The following TMEM132B variants were observed in gnomAD, a reference collection of about 807,000 sequenced individuals.
TMEM132B encodes the protein transmembrane protein 132B.
A neutral mutation model predicts 90.8 loss-of-function variants in TMEM132B; 18 were observed. That is an observed-to-expected ratio of 0.20 (90% CI 0.14 to 0.29). The LOEUF (loss-of-function observed/expected upper bound fraction) is 0.29. Ranked by LOEUF, TMEM132B falls within the 10% of genes least tolerant of loss-of-function variation. The pLI is 1.00. For missense variants in TMEM132B, 1,096 were observed against 1,326.8 expected, an observed-to-expected ratio of 0.83 and a Z score of 2.70; for synonymous variants, 504 against 523.3, an observed-to-expected ratio of 0.96 and a Z score of 0.50.
rs1174276948 is a variant in TMEM132B at position 125,408,613 on chromosome 12, C to T, written c.960-6918C>T. ...TGGTATTTTGTTAGACTGTCCCGAA[C>T]AGATTAAGGCAATGAGCATTTTGGG... On this transcript the variant is annotated intron_variant, in intron 2 of 8. Transcript: ENST00000682704. The surrounding 1 kb of genome is among the most constrained non-coding windows in gnomAD (Gnocchi z 5.9). Among the ~76,000 whole-genome samples the T allele has an allele frequency of 6.6e-6, 1 of 152,176 alleles. No individual in the cohort carries two copies. The highest frequency in any genetic ancestry group is 1.5e-5 in the Non-Finnish European group (1 of 68,036).
intron 4 of TMEM132B, among the ~76,000 whole-genome samples, chr12:125,562,341 G>T (rs1884554329): frequency 6.6e-6 from 1 of 152,198 alleles, no homozygotes; most frequent in Non-Finnish European, 1.5e-5. Flanking sequence ...CCACATAAGA[G>T]AATATGGGGA....
At chr12:125,274,440 C>T (rs1031461418) in intron 1 of TMEM132B, among the ~76,000 whole-genome samples, 1 of 152,218 alleles carries the variant, frequency 6.6e-6, no homozygotes, top group African/African-American at 2.4e-5. Flanking sequence ...TTCAACTTTG[C>T]CAGATGGTGA....
intron 3 of TMEM132B, among the ~76,000 whole-genome samples, chr12:125,487,436 C>T (rs1275130547): frequency 2.0e-5 from 3 of 152,168 alleles, no homozygotes; most frequent in African/African-American, 4.8e-5. Flanking sequence ...TGTAATGAGG[C>T]TTGGATGGAG....
chr12:125,199,990 G>C (rs1041762878), intron 1 of TMEM132B, among the ~76,000 whole-genome samples: 1 of 152,172 alleles, frequency 6.6e-6, no homozygotes, highest in African/African-American at 2.4e-5. Context: ...CCGGGTTTCT[G>C]TTACCATGGA....
intron 1 of TMEM132B, among the ~76,000 whole-genome samples, chr12:125,269,912 T>C (rs1225076097): frequency 6.6e-6 from 1 of 151,970 alleles, no homozygotes; most frequent in Non-Finnish European, 1.5e-5. Flanking sequence ...GTCCCAGATG[T>C]GCCTCCCACA....
intron 1 of TMEM132B, among the ~76,000 whole-genome samples, chr12:125,262,827 C>G (rs1157364268): frequency 6.6e-6 from 1 of 152,188 alleles, no homozygotes; most frequent in Non-Finnish European, 1.5e-5. Context: ...CTGTTGCTGT[C>G]TGATCCCTGC....
Position 125,571,071 on chromosome 12 carries a change from A to G in TMEM132B, c.1294-12780A>G, listed in dbSNP as rs192949600. ...CAAATTAAAAAATCTGTATAAAGCT[A>G]TCTTTTAGGCTGAAAGCTTTCTTTT... On this transcript the variant is annotated intron_variant, in intron 4 of 8. Transcript: ENST00000682704. Among the ~76,000 whole-genome samples, 31 of 152,334 alleles carry G rather than the reference A, an allele frequency of 2.0e-4. No homozygotes were observed. In the East Asian group the frequency reaches 5.8e-3, roughly 28 times the overall value.
chr12:125,542,193 T>C (rs1257365125), intron 4 of TMEM132B, among the ~76,000 whole-genome samples: 1 of 152,206 alleles, frequency 6.6e-6, no homozygotes, highest in African/African-American at 2.4e-5. Flanking sequence ...TGCGTACCTC[T>C]AACCCAGAGA....
chr12:125,281,833 T>TC (rs1875187398), intron 1 of TMEM132B, among the ~76,000 whole-genome samples: 1 of 151,414 alleles, frequency 6.6e-6, no homozygotes, highest in Non-Finnish European at 1.5e-5. Context: ...TCGAGACCAT[T>TC]CTGGCTAACA....
chr12:125,541,589 A>G (rs1395145644), intron 4 of TMEM132B, among the ~76,000 whole-genome samples: 2 of 152,062 alleles, frequency 1.3e-5, no homozygotes, highest in African/African-American at 4.8e-5. Context: ...TTAATATGCC[A>G]AAGTGCTTTA....
At chr12:125,645,344 C>T (rs907141552) in intron 6 of TMEM132B, among the ~76,000 whole-genome samples, 2 of 152,046 alleles carry the variant, frequency 1.3e-5, no homozygotes, top group African/African-American at 4.8e-5. Context: ...ATCAATGGAC[C>T]TTAAAATACA....
In TMEM132B at chr12:125,570,603, A is replaced by G. The variant is rs868358326; in HGVS notation, c.1294-13248A>G. Among the ~76,000 whole-genome samples the G allele has an allele frequency of 3.3e-5, 5 of 152,324 alleles. No homozygotes were observed. The South Asian group carries it at 8.3e-4, about 25-fold the overall frequency. On this transcript the variant is annotated intron_variant, in intron 4 of 8. Transcript: ENST00000682704. ...GACTCAGAAAGAGCTGAATTTTGAAATCACTTTCTGCCTCGTAGATAATAA... is the reference window on the plus strand; with the variant it reads ...GACTCAGAAAGAGCTGAATTTTGAAGTCACTTTCTGCCTCGTAGATAATAA...
At chr12:125,279,294 AT>A (rs1424410591) in intron 1 of TMEM132B, among the ~76,000 whole-genome samples, 2 of 152,216 alleles carry the variant, frequency 1.3e-5, no homozygotes, top group Admixed American at 1.3e-4. Context: ...TGAGACTGTT[AT>A]CCCTAGAAAG....
intron 3 of TMEM132B, among the ~76,000 whole-genome samples, chr12:125,465,959 T>C (rs1881552955): frequency 6.6e-6 from 1 of 152,186 alleles, no homozygotes; most frequent in Admixed American, 6.5e-5. Context: ...TAGAAGCAGC[T>C]GCTGGCACCA....
intron 1 of TMEM132B, among the ~76,000 whole-genome samples, chr12:125,312,832 G>GT (rs1876154729): frequency 6.6e-6 from 1 of 152,194 alleles, no homozygotes; most frequent in African/African-American, 2.4e-5. Flanking sequence ...CTATTGAGGA[G>GT]TTATGAAAGG....
chr12:125,501,019 T>G (rs1281839631), intron 3 of TMEM132B, among the ~76,000 whole-genome samples: 2 of 152,198 alleles, frequency 1.3e-5, no homozygotes, highest in African/African-American at 4.8e-5. Flanking sequence ...AAGGGTTTTA[T>G]GTCAGCTTTT....
chr12:125,431,042 C>T (rs1004453416), intron 3 of TMEM132B, among the ~76,000 whole-genome samples: 31 of 152,110 alleles, frequency 2.0e-4, no homozygotes, highest in Non-Finnish European at 2.9e-4. Context: ...GAGGGGGCAG[C>T]GGGGACCAGG....
intron 1 of TMEM132B, among the ~76,000 whole-genome samples, chr12:125,206,505 C>G (rs143540286): frequency 6.6e-6 from 1 of 152,014 alleles, no homozygotes; most frequent in Non-Finnish European, 1.5e-5. Flanking sequence ...CCCAAAGTGT[C>G]GGGATTACAG....
At position 125,384,427 on chromosome 12, in the gene TMEM132B, C is replaced by A. The variant is rs1362514023; in HGVS notation, c.960-31104C>A. On this transcript the variant is annotated intron_variant, in intron 2 of 8. Transcript: ENST00000682704. ...TTATTTAAAAATGTTTATTAAAAATCATTTGTATTTATGGGGTACAATGTG... is the reference window on the plus strand; with the variant it reads ...TTATTTAAAAATGTTTATTAAAAATAATTTGTATTTATGGGGTACAATGTG... Among the ~76,000 whole-genome samples the A allele has an allele frequency of 2.6e-5, 4 of 152,006 alleles. No individual in the cohort carries two copies. The East Asian group carries it at 5.8e-4, about 22-fold the overall frequency.
Sources: gnomAD v4.1 joint callset for allele counts (sites outside exome capture counted in the v4.1 genomes callset) on GRCh38, gnomAD v4.1.1 for gene constraint, Gnocchi (gnomAD v3.1) non-coding constraint, MANE v1.5 for transcripts, NCBI Gene and HGNC (gene_info 2026-07-23, HGNC 2026-07-21) for gene names.